The following RESP18 variants were observed in gnomAD, a reference collection of about 807,000 sequenced individuals.
RESP18 encodes the protein regulated endocrine specific protein 18, also known as regulated endocrine-specific protein 18.
Under a neutral mutation model 30.0 loss-of-function variants are expected in RESP18, and 30 were observed. The observed-to-expected ratio is 1.00, with a 90% confidence interval of 0.75 to 1.36. RESP18 has a LOEUF of 1.36. Among genes scored for constraint, RESP18 ranks in the 40% most tolerant of loss-of-function variants. The probability of loss-of-function intolerance (pLI) is 0.00; values close to 1 mark genes in which losing one functional copy is unlikely to be tolerated. For synonymous variants in RESP18, 117 were observed against 111.2 expected, an observed-to-expected ratio of 1.05 and a Z score of -0.33; for missense variants, 320 against 284.2, an observed-to-expected ratio of 1.13 and a Z score of -0.91.
intron 3 of RESP18, 70 bp downstream of exon 2, chr2:219,330,701 C>G (rs1450366371): frequency 8.5e-6 from 8 of 946,200 alleles, no homozygotes; most frequent in Non-Finnish European, 1.3e-5. Context: ...ACCCTCAGGT[C>G]GGATAGCCCC....
chr2:219,329,454 C>T (rs1228633707), intron 4 of RESP18, 183 bp downstream of exon 3: 1 of 1,550,672 alleles, frequency 6.4e-7, no homozygotes, highest in Non-Finnish European at 8.7e-7. Context: ...CCACACCCAC[C>T]TCCCCTCCCT....
In RESP18 at chr2:219,332,552, C is replaced by A. The variant is rs768070245; in HGVS notation, c.204G>T (p.Pro68=). 6.4e-7 allele frequency: 1 copy of A among 1,551,180 alleles called. No individual in the cohort carries two copies. Among genetic ancestry groups the A allele is most frequent in the Non-Finnish European group, 8.7e-7 (1 of 1,146,966 alleles). ...GGGCACTAGTGTCGCTGCAGCCCCC[C>A]GGGCAGCTGTTCAGCAGCAGGAAGC... The change falls in exon 2 of 7, where the codon CCG becomes CCT. Residue 68 remains proline (P), a synonymous_variant. Transcript: ENST00000333527.
At chr2:219,330,744 A>C (rs971517863) in intron 3 of RESP18, 27 bp downstream of exon 2, 1 of 1,461,586 alleles carries the variant, frequency 6.8e-7, no homozygotes, top group African/African-American at 1.4e-5. Flanking sequence ...ACCAGGCCCC[A>C]ACCTCTGTTC....
intron 6 of RESP18, among the ~76,000 whole-genome samples, chr2:219,328,226 A>G (rs1952792936): frequency 6.6e-6 from 1 of 152,182 alleles, no homozygotes; most frequent in South Asian, 2.1e-4. Flanking sequence ...TTAGAATGAA[A>G]TTCAAACCTT....
chr2:219,332,466 C>A lies in RESP18; in HGVS notation c.232+58G>T, dbSNP rs930942543. ...CTAGCCTTGAGGCCCCCTGCAGACC[C>A]CCACTTCTCAGGATCGCTTTCTTGG... On this transcript the variant is annotated intron_variant, in intron 2 of 6. Coordinates refer to ENST00000333527, the MANE Select transcript of RESP18 (RefSeq NM_001007089.4). The A allele has an allele frequency of 3.7e-6, 5 of 1,346,434 alleles. No individual in the cohort carries two copies. The African/African-American group carries it at 7.3e-5, about 20-fold the overall frequency. 83.4% of individuals were successfully genotyped at this position (1,346,434 alleles called of 1,614,324 possible).
At position 219,332,556 on chromosome 2, in the gene RESP18, C is replaced by T. The variant is rs779149600; in HGVS notation, c.200G>A (p.Cys67Tyr). The T allele has an allele frequency of 3.4e-5, 53 of 1,551,236 alleles. No homozygotes were observed. Among genetic ancestry groups the T allele is most frequent in the Middle Eastern group, 1.7e-4 (1 of 5,936 alleles). Residue 67 changes from cysteine to tyrosine, a missense_variant, in exon 2 of 7, where the codon TGC becomes TAC. By Grantham distance (194) the Cys-to-Tyr change is radical. Coordinates refer to ENST00000333527, the MANE Select transcript of RESP18 (RefSeq NM_001007089.4). ...ACTAGTGTCGCTGCAGCCCCCCGGGCAGCTGTTCAGCAGCAGGAAGCAGAC... is the reference window on the plus strand; with the variant it reads ...ACTAGTGTCGCTGCAGCCCCCCGGGTAGCTGTTCAGCAGCAGGAAGCAGAC...
intron 3 of RESP18, 51 bp from the exon 3 acceptor site, chr2:219,329,815 C>T: frequency 5.9e-6 from 9 of 1,528,666 alleles, no homozygotes; most frequent in South Asian, 2.4e-5. Flanking sequence ...CACTCGGATC[C>T]ACTCCAGGGA....
intron 1 of RESP18, 51 bp from the exon 1 acceptor site, chr2:219,332,795 C>T: frequency 1.5e-6 from 2 of 1,376,314 alleles, no homozygotes; most frequent in South Asian, 1.4e-5. Flanking sequence ...CCCCTGCGGT[C>T]GCCTCCCCAG....
Position 219,329,699 on chromosome 2 carries a change from G to A in RESP18, c.403C>T (p.Leu135=). 1.3e-6 allele frequency: 2 copies of A among 1,551,646 alleles called. No homozygotes were observed. Among genetic ancestry groups the A allele is most frequent in the Non-Finnish European group, 8.7e-7 (1 of 1,146,964 alleles). Residue 135 remains leucine, a synonymous_variant, in exon 4 of 7, where the codon CTG becomes TTG. Coordinates refer to ENST00000333527, the MANE Select transcript of RESP18 (RefSeq NM_001007089.4). ...TTCAGGCATGGTTCTTGGGGATGCA[G>A]TCTGCTGGCATGCTCCATCTTTTGG...
rs918218121 is a variant in RESP18, at chr2:219,332,509, A to AGGGTTCCTCCTGACCGAC, written c.232+14_232+15insGTCGGTCAGGAGGAACCC. The stretch of plus-strand genomic sequence containing the variant: ...TTTCTTGGCCCTGCCCGCACCCCCC[A>AGGGTTCCTCCTGACCGAC]GGGTTCCTCCTGACCGTGGGCACTA... On this transcript the variant is annotated intron_variant, in intron 2 of 6. Transcript: ENST00000333527. 1.5e-5 allele frequency: 23 copies of AGGGTTCCTCCTGACCGAC among 1,545,598 alleles called. No homozygotes were observed. Among genetic ancestry groups the AGGGTTCCTCCTGACCGAC allele is most frequent in the Non-Finnish European group, 2.0e-5 (23 of 1,143,672 alleles).
At chr2:219,331,939 C>T (rs534969565) in intron 2 of RESP18, among the ~76,000 whole-genome samples, 8 of 152,326 alleles carry the variant, frequency 5.3e-5, no homozygotes, top group Admixed American at 2.0e-4. Context: ...GGAGAGGGGG[C>T]GACAGACTAG....
rs1952804600 is a variant in RESP18 at position 219,329,208 on chromosome 2, T to C, written c.510A>G (p.Glu170=). ...CTTGTTTCAGGGCCTTAGAAACCAC[T>C]TCGGAGGTAAAGCACTGATCCCTGT... The change falls in exon 5 of 7, where the codon GAA becomes GAG. Residue 170 remains glutamate, a synonymous_variant. Transcript: ENST00000333527. 1.9e-6 allele frequency: 3 copies of C among 1,551,622 alleles called. No homozygotes were observed. The highest frequency in any genetic ancestry group is 2.6e-6 in the Non-Finnish European group (3 of 1,146,984).
Position 219,327,500 on chromosome 2 carries a change from T to G in RESP18, c.*17A>C. The stretch of plus-strand genomic sequence containing the variant: ...GGGAAGGGTGCTGGGGCAGGGAGGC[T>G]TCACATGAGGTCTCAATCAGCCACA... On this transcript the variant is annotated 3_prime_UTR_variant, in exon 7 of 7. Coordinates refer to ENST00000333527, the MANE Select transcript of RESP18 (RefSeq NM_001007089.4). 1 of 1,551,092 alleles carries G rather than the reference T, an allele frequency of 6.4e-7. No individual in the cohort carries two copies. Among genetic ancestry groups the G allele is most frequent in the African/African-American group, 1.4e-5 (1 of 73,126 alleles).
At chr2:219,328,410 G>A (rs1574947177) in intron 6 of RESP18, among the ~76,000 whole-genome samples, 1 of 150,882 alleles carries the variant, frequency 6.6e-6, no homozygotes, top group African/African-American at 2.4e-5. Flanking sequence ...TCTTCCTCTG[G>A]TTGCCACCTT....
At chr2:219,330,167 A>G (rs1468627127) in intron 3 of RESP18, among the ~76,000 whole-genome samples, 3 of 152,188 alleles carry the variant, frequency 2.0e-5, no homozygotes, top group Non-Finnish European at 4.4e-5. Flanking sequence ...ATTTCTAACA[A>G]GTTCCCTGGC....
intron 4 of RESP18, 151 bp downstream of exon 3, chr2:219,329,486 C>T: frequency 6.5e-7 from 1 of 1,547,598 alleles, no homozygotes; most frequent in Non-Finnish European, 8.7e-7. Context: ...ACTAATGGAT[C>T]ATGAAATTCT....
At chr2:219,328,184 C>T (rs114515711) in intron 6 of RESP18, among the ~76,000 whole-genome samples, 2,105 of 152,282 alleles carry the variant, frequency 0.014, 53 homozygotes, top group African/African-American at 0.048. Flanking sequence ...CATTCCTTTC[C>T]TTAAAATTTC....
At chr2:219,331,899 G>T (rs1173256959) in intron 2 of RESP18, among the ~76,000 whole-genome samples, 1 of 152,192 alleles carries the variant, frequency 6.6e-6, no homozygotes, top group African/African-American at 2.4e-5. Flanking sequence ...TCCTGAATCC[G>T]CTGCATTGGC....
chr2:219,329,787 G>T lies in RESP18; in HGVS notation c.338-23C>A, dbSNP rs142513156. On this transcript the variant is annotated intron_variant, in intron 3 of 6. Transcript: ENST00000333527. ...GACCTGCAGGATGAAAGGATGGGGG[G>T]TGAGTTGACACCTGAGACACTCGGA... 864 of 1,547,096 alleles carry T rather than the reference G, an allele frequency of 5.6e-4. 7 individuals are homozygous for T. The African/African-American group carries it at 0.01, about 19-fold the overall frequency.
Sources: gnomAD v4.1 joint callset for allele counts (sites outside exome capture counted in the v4.1 genomes callset) on GRCh38, gnomAD v4.1.1 for gene constraint, MANE v1.5 for transcripts, NCBI Gene and HGNC (gene_info 2026-07-23, HGNC 2026-07-21) for gene names.